Variants in HYCC1 observed in about 807,000 individuals in gnomAD.
The protein encoded by HYCC1 is hyccin PI4KA lipid kinase complex subunit 1.
the HYCC1 span, among the ~76,000 whole-genome samples, chr7:22,994,597 G>T: frequency 2.6e-5 from 4 of 152,110 alleles, no homozygotes; most frequent in African/African-American, 4.8e-5. Flanking sequence ...ACTTGATAGA[G>T]ATCAAATGGG....
At chr7:22,954,292 T>G in the HYCC1 span, among the ~76,000 whole-genome samples, 1 of 151,044 alleles carries the variant, frequency 6.6e-6, no homozygotes, top group Non-Finnish European at 1.5e-5. Context: ...ATTTGTTCAA[T>G]AATTAGTACT....
chr7:22,976,101 A>G, the HYCC1 span: 1 of 758,522 alleles, frequency 1.3e-6, no homozygotes, highest in Non-Finnish European at 2.3e-6. Flanking sequence ...AACTTATTTA[A>G]TGTTTTAAAC....
the HYCC1 span, chr7:22,934,882 A>T: frequency 6.6e-6 from 1 of 152,354 alleles, no homozygotes; most frequent in South Asian, 2.1e-4. Context: ...CACAAATCAT[A>T]ATTCCAGACT....
At chr7:22,896,930 A>G in the HYCC1 span, among the ~76,000 whole-genome samples, 1 of 152,214 alleles carries the variant, frequency 6.6e-6, no homozygotes, top group Non-Finnish European at 1.5e-5. Context: ...ATAAGCTCAC[A>G]TACATATGGC....
chr7:22,904,403 C>A, the HYCC1 span, among the ~76,000 whole-genome samples: 2 of 148,594 alleles, frequency 1.3e-5, no homozygotes, highest in Admixed American at 6.8e-5. Context: ...TGCACTCCAG[C>A]CTGGGCAACA....
chr7:22,905,755 G>T, the HYCC1 span, among the ~76,000 whole-genome samples: 1 of 151,980 alleles, frequency 6.6e-6, no homozygotes, highest in Non-Finnish European at 1.5e-5. Flanking sequence ...AATGTTTTAT[G>T]TCTACATAAG....
At chr7:22,976,784 G>C in the HYCC1 span, 3 of 1,612,708 alleles carry the variant, frequency 1.9e-6, no homozygotes, top group South Asian at 1.1e-5. Flanking sequence ...CTCTCAGTCA[G>C]AGCCATGGAC....
At chr7:22,925,650 C>T in the HYCC1 span, among the ~76,000 whole-genome samples, 8 of 152,128 alleles carry the variant, frequency 5.3e-5, no homozygotes, top group South Asian at 2.1e-4. Flanking sequence ...GAGAAAGAAA[C>T]GAACAAATCC....
the HYCC1 span, among the ~76,000 whole-genome samples, chr7:22,961,682 A>T: frequency 6.6e-6 from 1 of 151,934 alleles, no homozygotes; most frequent in Non-Finnish European, 1.5e-5. Flanking sequence ...TGGCCAAATT[A>T]TTCTGTAACT....
the HYCC1 span, chr7:22,947,174 C>T: frequency 1.9e-6 from 3 of 1,550,256 alleles, no homozygotes; most frequent in Non-Finnish European, 2.6e-6. Context: ...TCTCTCCGGC[C>T]ACATTTGTGA....
At chr7:22,905,748 G>A in the HYCC1 span, among the ~76,000 whole-genome samples, 1 of 152,066 alleles carries the variant, frequency 6.6e-6, no homozygotes, top group African/African-American at 2.4e-5. Flanking sequence ...AATATAAAAT[G>A]TTTTATGTCT....
At chr7:22,998,187 A>AT in the HYCC1 span, among the ~76,000 whole-genome samples, 1 of 152,202 alleles carries the variant, frequency 6.6e-6, no homozygotes, top group Non-Finnish European at 1.5e-5. Context: ...AGGAAGAACT[A>AT]TTTTTTAATA....
chr7:22,953,169 G>A, the HYCC1 span, among the ~76,000 whole-genome samples: 4 of 151,702 alleles, frequency 2.6e-5, no homozygotes, highest in Non-Finnish European at 2.9e-5. Flanking sequence ...TGCAACATAC[G>A]GCCGCTGCAG....
chr7:22,979,137 G>A, the HYCC1 span, among the ~76,000 whole-genome samples: 1 of 151,982 alleles, frequency 6.6e-6, no homozygotes, highest in Non-Finnish European at 1.5e-5. Flanking sequence ...CTCACCTAAG[G>A]CAACAAATTT....
chr7:22,909,300 C>G, the HYCC1 span, among the ~76,000 whole-genome samples: 1 of 152,248 alleles, frequency 6.6e-6, no homozygotes, highest in East Asian at 1.9e-4. Flanking sequence ...GTTCCTGCTC[C>G]TGCCATGTGA....
At chr7:22,959,283 T>C in the HYCC1 span, among the ~76,000 whole-genome samples, 2 of 152,288 alleles carry the variant, frequency 1.3e-5, no homozygotes, top group South Asian at 2.1e-4. Context: ...GTGAAAACAA[T>C]GGCAACTGTT....
the HYCC1 span, among the ~76,000 whole-genome samples, chr7:22,997,250 T>G: frequency 6.6e-6 from 1 of 152,286 alleles, no homozygotes; most frequent in African/African-American, 2.4e-5. Context: ...ATTTTAAAAG[T>G]ATTTGTAACT....
the HYCC1 span, chr7:22,938,489 T>G: frequency 6.6e-6 from 1 of 152,180 alleles, no homozygotes; most frequent in African/African-American, 2.4e-5. Flanking sequence ...GTCCTATTAT[T>G]TACTTGTGCT....
At chr7:22,901,339 A>C in the HYCC1 span, among the ~76,000 whole-genome samples, 1 of 151,892 alleles carries the variant, frequency 6.6e-6, no homozygotes, top group East Asian at 1.9e-4. Flanking sequence ...AGAAACTAAC[A>C]GAAAACTAAA....
Sources: gnomAD v4.1 joint callset for allele counts (sites outside exome capture counted in the v4.1 genomes callset) on GRCh38, gnomAD v4.1.1 for gene constraint, MANE v1.5 for transcripts, NCBI Gene and HGNC (gene_info 2026-07-23, HGNC 2026-07-21) for gene names.